The following SLC4A4 variants were observed in gnomAD, a reference collection of about 807,000 sequenced individuals.
The protein encoded by SLC4A4 is electrogenic sodium bicarbonate cotransporter 1.
In SLC4A4, 27 loss-of-function variants were observed where a neutral mutation model predicts 111.5. The ratio of observed to expected loss-of-function variants is 0.24; its 90% CI spans 0.18 to 0.33. The LOEUF (loss-of-function observed/expected upper bound fraction) is 0.33. Ranked by LOEUF, SLC4A4 falls within the 10% of genes least tolerant of loss-of-function variation. The pLI, the probability that SLC4A4 is intolerant of heterozygous loss-of-function variation, is 1.00. For synonymous variants in SLC4A4, 443 were observed against 463.4 expected, an observed-to-expected ratio of 0.96 and a Z score of 0.57; for missense variants, 909 against 1,315.5, an observed-to-expected ratio of 0.69 and a Z score of 4.78.
rs146359589 is a variant in SLC4A4, at chr4:71,231,616, A to T, written c.-1-4960A>T. On this transcript the variant is annotated intron_variant, in intron 1 of 25. Transcript: ENST00000264485. ...GCATTATTGGCCCTGAGTGGATTTT[A>T]TACTGACTGGTGTGACCCTTATCCC... Among the ~76,000 whole-genome samples the T allele has an allele frequency of 2.5e-3, 386 of 152,314 alleles. 1 individual carries two copies. Among genetic ancestry groups the T allele is most frequent in the African/African-American group, 8.7e-3 (361 of 41,574 alleles).
intron 6 of SLC4A4, among the ~76,000 whole-genome samples, chr4:71,396,424 T>C (rs1719826797): frequency 6.6e-6 from 1 of 152,208 alleles, no homozygotes; most frequent in African/African-American, 2.4e-5. Flanking sequence ...TGAAATTATA[T>C]GTTGAGGTCT....
intron 12 of SLC4A4, among the ~76,000 whole-genome samples, chr4:71,462,415 CTTT>C (rs869306669): frequency 8.9e-4 from 108 of 121,890 alleles, no homozygotes; most frequent in African/African-American, 3.3e-3. Context: ...ACCTCCTCAT[CTTT>C]TTTTTTTTTT....
intron 16 of SLC4A4, among the ~76,000 whole-genome samples, chr4:71,522,216 G>T (rs79689579): frequency 0.013 from 2,048 of 152,194 alleles, 48 homozygotes; most frequent in African/African-American, 0.047. Flanking sequence ...TATCAGCCTC[G>T]AGTCTTTAGT....
chr4:71,467,499 T>G (rs1409997150), intron 13 of SLC4A4, among the ~76,000 whole-genome samples: 5 of 152,100 alleles, frequency 3.3e-5, no homozygotes, highest in African/African-American at 1.2e-4. Flanking sequence ...ACATCCTGAT[T>G]TATAGATGAA....
intron 14 of SLC4A4, among the ~76,000 whole-genome samples, 198 bp from the exon 15 acceptor site, chr4:71,486,750 A>G (rs1012828842): frequency 5.9e-5 from 9 of 151,424 alleles, no homozygotes; most frequent in African/African-American, 2.2e-4. Context: ...ATTAGAGCAC[A>G]GCAGATGTGT....
chr4:71,325,871 A>G (rs1560411580), intron 3 of SLC4A4, among the ~76,000 whole-genome samples: 2 of 151,616 alleles, frequency 1.3e-5, no homozygotes, highest in African/African-American at 4.8e-5. Context: ...GACCACTACA[A>G]TGTGTGTGTG....
At chr4:71,342,800 G>T (rs745375385) in intron 4 of SLC4A4, among the ~76,000 whole-genome samples, 1 of 152,138 alleles carries the variant, frequency 6.6e-6, no homozygotes, top group Non-Finnish European at 1.5e-5. Flanking sequence ...TTTCACTCAA[G>T]ATTTTTAAAG....
intron 3 of SLC4A4, among the ~76,000 whole-genome samples, chr4:71,322,000 A>T (rs1226838989): frequency 6.6e-6 from 1 of 152,038 alleles, no homozygotes; most frequent in Non-Finnish European, 1.5e-5. Flanking sequence ...CACTGCCACT[A>T]ATTTTGGACC....
At chr4:71,352,611 G>A (rs1406210790) in intron 5 of SLC4A4, among the ~76,000 whole-genome samples, 1 of 152,196 alleles carries the variant, frequency 6.6e-6, no homozygotes, top group Non-Finnish European at 1.5e-5. Context: ...GCCAGTTACT[G>A]AACTCTTTTG....
intron 2 of SLC4A4, among the ~76,000 whole-genome samples, chr4:71,134,366 A>G (rs1743789183): frequency 6.6e-6 from 1 of 152,150 alleles, no homozygotes; most frequent in African/African-American, 2.4e-5. Flanking sequence ...CCATCCATCC[A>G]TGTCCAGATT....
Position 71,442,601 on chromosome 4 carries a change from A to G in SLC4A4, c.965+1828A>G, listed in dbSNP as rs561306745. On this transcript the variant is annotated intron_variant, in intron 8 of 25. Transcript: ENST00000264485. ...AAATCCCACAAGGAATGTGGTAGGC[A>G]TGGTGAAGGACTGCATGTACATTTC... 2.6e-5 allele frequency among the ~76,000 whole-genome samples: 4 copies of G among 152,296 alleles called. No homozygotes were observed. The East Asian group carries it at 7.7e-4, about 29-fold the overall frequency.
rs10657146 is a variant in SLC4A4 at position 71,268,075 on chromosome 4, G to GTTTTTTTT, written c.253+12691_253+12698dup. Among the ~76,000 whole-genome samples the GTTTTTTTT allele has an allele frequency of 2.3e-3, 199 of 87,582 alleles. 14 individuals are homozygous for GTTTTTTTT. Among genetic ancestry groups the GTTTTTTTT allele is most frequent in the African/African-American group, 5.0e-3 (110 of 21,988 alleles). The allele number at this position is 87,582 out of a possible 152,430, so 57.5% of individuals were successfully genotyped here. On this transcript the variant is annotated intron_variant, in intron 3 of 25. Coordinates refer to ENST00000264485, the MANE Select transcript of SLC4A4 (RefSeq NM_001098484.3). Reference sequence around the variant, plus strand: ...ATATCAGTGTGCCAAATAAAGTAGTGTTTTTTTTTTTTTTTTTTTTTTGCC... The same window carrying GTTTTTTTT: ...ATATCAGTGTGCCAAATAAAGTAGTGTTTTTTTTTTTTTTTTTTTTTTTTTTTTTTGCC...
At chr4:71,563,505 G>T (rs1370841384) in intron 23 of SLC4A4, among the ~76,000 whole-genome samples, 2 of 151,792 alleles carry the variant, frequency 1.3e-5, no homozygotes, top group African/African-American at 4.8e-5. Flanking sequence ...CATAAACATT[G>T]CTGATTGGGA....
At chr4:71,158,369 T>A (rs1301450258) in intron 2 of SLC4A4, among the ~76,000 whole-genome samples, 1 of 152,178 alleles carries the variant, frequency 6.6e-6, no homozygotes, top group Non-Finnish European at 1.5e-5. Flanking sequence ...GCAGTTCATT[T>A]TATCAGCTAA....
chr4:71,521,947 T>C (rs1374481531), intron 16 of SLC4A4, among the ~76,000 whole-genome samples: 8 of 152,216 alleles, frequency 5.3e-5, no homozygotes, highest in African/African-American at 1.7e-4. Flanking sequence ...CTGAGGCCCA[T>C]GGTCAATGAC....
chr4:71,298,992 G>A (rs1725012940), intron 3 of SLC4A4, among the ~76,000 whole-genome samples: 1 of 152,138 alleles, frequency 6.6e-6, no homozygotes. Context: ...TAGCTATTAT[G>A]TTTATTTTCA....
At chr4:71,511,501 T>G (rs1731914550) in intron 16 of SLC4A4, among the ~76,000 whole-genome samples, 1 of 152,120 alleles carries the variant, frequency 6.6e-6, no homozygotes, top group Admixed American at 6.6e-5. Context: ...TGAGTGCTAA[T>G]TTTCTCTAAA....
chr4:71,509,724 A>G (rs1731736734), intron 16 of SLC4A4, among the ~76,000 whole-genome samples: 1 of 152,198 alleles, frequency 6.6e-6, no homozygotes, highest in African/African-American at 2.4e-5. Flanking sequence ...GGTAAGGAGC[A>G]TGGCAGACTG....
chr4:71,480,905 T>C (rs1458828381), intron 14 of SLC4A4, among the ~76,000 whole-genome samples: 1 of 151,704 alleles, frequency 6.6e-6, no homozygotes, highest in Non-Finnish European at 1.5e-5. Flanking sequence ...ACATTGTATA[T>C]TTAACCATCA....
Sources: gnomAD v4.1 joint callset for allele counts (sites outside exome capture counted in the v4.1 genomes callset) on GRCh38, gnomAD v4.1.1 for gene constraint, MANE v1.5 for transcripts, NCBI Gene and HGNC (gene_info 2026-07-23, HGNC 2026-07-21) for gene names.